The following ZFAT variants were observed in gnomAD, a reference collection of about 807,000 sequenced individuals.
The protein encoded by ZFAT is zinc finger and AT-hook domain containing.
Under a neutral mutation model 117.7 loss-of-function variants are expected in ZFAT, and 64 were observed. The ratio of observed to expected loss-of-function variants is 0.54; its 90% CI spans 0.44 to 0.67. ZFAT has a LOEUF of 0.67. Among genes scored for constraint, ZFAT ranks in the 30% least tolerant of loss-of-function variants. The pLI, the probability that ZFAT is intolerant of heterozygous loss-of-function variation, is 0.00. For missense variants in ZFAT, 1,433 were observed against 1,584.5 expected (o/e 0.90, Z 1.62); for synonymous variants, 679 against 615.0 (o/e 1.10, Z -1.54).
chr8:134,523,651 C>T (rs149387429), intron 12 of ZFAT, among the ~76,000 whole-genome samples: 1,591 of 152,336 alleles, frequency 0.01, 13 homozygotes, highest in Middle Eastern at 0.044. Context: ...CTGACTCCTC[C>T]CTGTGGCTGG....
chr8:134,751,305 G>A, the ZFAT span, among the ~76,000 whole-genome samples: 1 of 152,186 alleles, frequency 6.6e-6, no homozygotes, highest in Non-Finnish European at 1.5e-5. Flanking sequence ...GGGGCTCCAA[G>A]ACCAAGTGCT....
chr8:134,488,202 C>A (rs892509429), intron 15 of ZFAT, among the ~76,000 whole-genome samples: 1 of 152,210 alleles, frequency 6.6e-6, no homozygotes, highest in Admixed American at 6.5e-5. Flanking sequence ...GTAAACGGCA[C>A]CCCCATGCTG....
the ZFAT span, among the ~76,000 whole-genome samples, chr8:134,800,249 A>C: frequency 3.3e-4 from 49 of 148,776 alleles, no homozygotes; most frequent in African/African-American, 9.9e-4. Context: ...AATTTAAAGG[A>C]ATTTTAATAA....
intron 11 of ZFAT, among the ~76,000 whole-genome samples, chr8:134,548,795 C>T (rs2130680963): frequency 6.6e-6 from 1 of 152,172 alleles, no homozygotes; most frequent in East Asian, 1.9e-4. Context: ...GACTTATGGC[C>T]TCTTCCAGGG....
chr8:134,557,012 G>A (rs535466920), intron 11 of ZFAT, among the ~76,000 whole-genome samples: 1 of 151,546 alleles, frequency 6.6e-6, no homozygotes, highest in Non-Finnish European at 1.5e-5. Context: ...ACTGATTACA[G>A]CAAAAAATAA....
At chr8:134,550,210 T>C (rs6578229) in intron 11 of ZFAT, among the ~76,000 whole-genome samples, 1 of 149,574 alleles carries the variant, frequency 6.7e-6, no homozygotes, top group South Asian at 2.1e-4. Flanking sequence ...TGCTGGGAGA[T>C]AAAAATCTTT....
intron 11 of ZFAT, among the ~76,000 whole-genome samples, chr8:134,550,326 A>AC (rs1396114012): frequency 1.4e-5 from 2 of 147,344 alleles, no homozygotes; most frequent in Non-Finnish European, 2.9e-5. Flanking sequence ...AAAAAAAAAA[A>AC]AAAAAACAGC....
the ZFAT span, among the ~76,000 whole-genome samples, chr8:134,801,029 C>T: frequency 1.3e-5 from 2 of 152,096 alleles, no homozygotes; most frequent in Non-Finnish European, 2.9e-5. Context: ...CCCTTCAAAA[C>T]AATCAAACTT....
chr8:134,671,265 C>T (rs1309148543), intron 1 of ZFAT, among the ~76,000 whole-genome samples: 3 of 152,176 alleles, frequency 2.0e-5, no homozygotes, highest in South Asian at 2.1e-4. Flanking sequence ...AGGCCAGCAT[C>T]GTCCTGATAC....
the ZFAT span, among the ~76,000 whole-genome samples, chr8:134,776,512 G>A: frequency 6.6e-6 from 1 of 152,034 alleles, no homozygotes; most frequent in Non-Finnish European, 1.5e-5. Flanking sequence ...CCATGTTGCC[G>A]AGGCTTCGTT....
chr8:134,712,779 G>A, intron 1 of ZFAT, 66 bp downstream of exon 1: 1 of 1,412,964 alleles, frequency 7.1e-7, no homozygotes, highest in African/African-American at 1.5e-5. Context: ...GCTCGAAACG[G>A]CTTTCCGCGC....
intron 1 of ZFAT, among the ~76,000 whole-genome samples, chr8:134,700,559 C>A (rs761701001): frequency 2.0e-5 from 3 of 152,220 alleles, no homozygotes; most frequent in Non-Finnish European, 4.4e-5. Context: ...TCAGGCCTGA[C>A]CCCTGTACAA....
chr8:134,709,491 A>G lies in ZFAT; in HGVS notation c.19+3354T>C, dbSNP rs138515794. Among the ~76,000 whole-genome samples the G allele has an allele frequency of 5.9e-5, 9 of 152,340 alleles. No homozygotes were observed. The East Asian group carries it at 1.3e-3, about 23-fold the overall frequency. ...TACCCTCCTAAATGTTCCAGCCCTTAAAGTTGATGCCTGCCCTTGAGAAAT... is the reference window on the plus strand; with the variant it reads ...TACCCTCCTAAATGTTCCAGCCCTTGAAGTTGATGCCTGCCCTTGAGAAAT... On this transcript the variant is annotated intron_variant, in intron 1 of 15. Coordinates refer to ENST00000377838, the MANE Select transcript of ZFAT (RefSeq NM_020863.4).
At chr8:134,586,504 T>A (rs1306067723) in intron 9 of ZFAT, among the ~76,000 whole-genome samples, 1 of 152,224 alleles carries the variant, frequency 6.6e-6, no homozygotes, top group African/African-American at 2.4e-5. Context: ...CTTCTTCTCA[T>A]GTGAGTACAA....
chr8:134,558,517 A>G (rs2130738668), intron 11 of ZFAT, among the ~76,000 whole-genome samples: 1 of 152,354 alleles, frequency 6.6e-6, no homozygotes, highest in Non-Finnish European at 1.5e-5. Flanking sequence ...ACAATTCCGA[A>G]CAACAAGAAA....
chr8:134,660,876 T>C (rs913328602), intron 1 of ZFAT, among the ~76,000 whole-genome samples: 1 of 152,268 alleles, frequency 6.6e-6, no homozygotes, highest in African/African-American at 2.4e-5. Flanking sequence ...GCTCAGCTAT[T>C]CCACACCACC....
intron 1 of ZFAT, among the ~76,000 whole-genome samples, chr8:134,684,198 C>A (rs556488624): frequency 2.6e-5 from 4 of 152,272 alleles, no homozygotes; most frequent in African/African-American, 9.6e-5. Context: ...ATCCACCCAG[C>A]TCCCTAACAC....
At chr8:134,628,407 C>T (rs1829666089) in intron 3 of ZFAT, among the ~76,000 whole-genome samples, 1 of 152,054 alleles carries the variant, frequency 6.6e-6, no homozygotes, top group African/African-American at 2.4e-5. Context: ...TCCTAAGTAA[C>T]ATAGCAGGTT....
chr8:134,499,786 C>T (rs929963875), intron 15 of ZFAT, among the ~76,000 whole-genome samples: 2 of 152,180 alleles, frequency 1.3e-5, no homozygotes, highest in South Asian at 2.1e-4. Flanking sequence ...GCGGTAAGGC[C>T]GGGGGCCAGA....
Sources: gnomAD v4.1 joint callset for allele counts (sites outside exome capture counted in the v4.1 genomes callset) on GRCh38, gnomAD v4.1.1 for gene constraint, MANE v1.5 for transcripts, NCBI Gene and HGNC (gene_info 2026-07-23, HGNC 2026-07-21) for gene names.